The following PLCG2 variants were observed in gnomAD, a reference collection of about 807,000 sequenced individuals.
The protein encoded by PLCG2 is 1-phosphatidylinositol 4,5-bisphosphate phosphodiesterase gamma-2.
In PLCG2, 69 loss-of-function variants were observed where a neutral mutation model predicts 175.6. That is an observed-to-expected ratio of 0.39 (90% CI 0.32 to 0.48). The LOEUF is 0.48. Among genes scored for constraint, PLCG2 ranks in the 20% least tolerant of loss-of-function variants. The probability of loss-of-function intolerance (pLI) is 0.91; values close to 1 mark genes in which losing one functional copy is unlikely to be tolerated. For synonymous variants in PLCG2, 827 were observed against 624.0 expected (o/e 1.33, Z -4.85); for missense variants, 1,798 against 1,650.9 (o/e 1.09, Z -1.54).
At chr16:81,845,124 G>C (rs1408708633) in intron 2 of PLCG2, among the ~76,000 whole-genome samples, 2 of 151,932 alleles carry the variant, frequency 1.3e-5, no homozygotes, top group African/African-American at 2.4e-5. Flanking sequence ...TTTTTTTTTA[G>C]AGATGGGGTA....
intron 11 of PLCG2, among the ~76,000 whole-genome samples, 158 bp from the exon 12 acceptor site, chr16:81,893,551 C>T (rs1908738154): frequency 6.6e-6 from 1 of 152,248 alleles, no homozygotes; most frequent in Non-Finnish European, 1.5e-5. Flanking sequence ...TTGTGTATTT[C>T]TGTCCTAGGC....
chr16:81,955,154 T>C (rs1011354795), intron 31 of PLCG2, among the ~76,000 whole-genome samples: 3 of 152,228 alleles, frequency 2.0e-5, no homozygotes, highest in Admixed American at 6.5e-5. Flanking sequence ...CTTCAACCTT[T>C]GCAAACAGCT....
chr16:81,770,430 T>G (rs114098286), intron 2 of PLCG2, among the ~76,000 whole-genome samples: 2,670 of 152,326 alleles, frequency 0.018, 81 homozygotes, highest in African/African-American at 0.062. Flanking sequence ...ATTAATTTTT[T>G]GGCCTGGTGT....
chr16:81,824,041 T>TCCC (rs1904932054), intron 2 of PLCG2, among the ~76,000 whole-genome samples: 2 of 75,942 alleles, frequency 2.6e-5, no homozygotes, highest in African/African-American at 1.2e-4. Context: ...TTCCTTTCCT[T>TCCC]TCCTTTCCTG....
intron 2 of PLCG2, among the ~76,000 whole-genome samples, chr16:81,759,460 T>G (rs1597305040): frequency 1.3e-5 from 2 of 152,350 alleles, no homozygotes; most frequent in East Asian, 3.9e-4. Flanking sequence ...GCTGCAGAAT[T>G]CTAAAGGTCT....
At chr16:81,862,163 G>A (rs1164206897) in intron 5 of PLCG2, among the ~76,000 whole-genome samples, 4 of 152,246 alleles carry the variant, frequency 2.6e-5, no homozygotes, top group Admixed American at 6.5e-5. Flanking sequence ...GACGAATCGT[G>A]TTTCCTGAAG....
intron 1 of PLCG2, among the ~76,000 whole-genome samples, chr16:81,752,477 G>C (rs1909832691): frequency 6.6e-6 from 1 of 152,152 alleles, no homozygotes; most frequent in Non-Finnish European, 1.5e-5. Context: ...AGCACTAATA[G>C]CAGCTGGGGG....
At chr16:81,754,515 C>G (rs1175496093) in intron 1 of PLCG2, among the ~76,000 whole-genome samples, 1 of 129,868 alleles carries the variant, frequency 7.7e-6, no homozygotes, top group African/African-American at 3.0e-5. Context: ...TTTCCATTTC[C>G]TTTTGCCTAT....
At chr16:81,878,490 A>T (rs1907924493) in intron 7 of PLCG2, among the ~76,000 whole-genome samples, 1 of 152,158 alleles carries the variant, frequency 6.6e-6, no homozygotes, top group African/African-American at 2.4e-5. Context: ...TATCTTTAGA[A>T]CGTCTTCCTT....
intron 1 of PLCG2, among the ~76,000 whole-genome samples, chr16:81,755,657 C>G (rs1909906523): frequency 6.6e-6 from 1 of 152,088 alleles, no homozygotes; most frequent in Non-Finnish European, 1.5e-5. Flanking sequence ...TCCCGAGTAG[C>G]TGGGATTACA....
intron 16 of PLCG2, 104 bp from the exon 17 acceptor site, chr16:81,908,312 A>G (rs780201021): frequency 2.4e-5 from 25 of 1,063,536 alleles, no homozygotes; most frequent in Non-Finnish European, 3.3e-5. Context: ...TGGCCTCTCT[A>G]TGTTATCTGG....
intron 8 of PLCG2, among the ~76,000 whole-genome samples, chr16:81,881,161 TG>T (rs547861996): frequency 1.5e-3 from 232 of 152,152 alleles, no homozygotes; most frequent in Non-Finnish European, 2.6e-3. Context: ...ACTGGGAGGA[TG>T]GTCCAGAAAG....
chr16:81,936,406 C>G (rs1181166359), intron 27 of PLCG2, 28 bp downstream of exon 27: 3 of 1,594,336 alleles, frequency 1.9e-6, no homozygotes, highest in Non-Finnish European at 2.6e-6. Flanking sequence ...GTAGTCCCGT[C>G]CCTGCAAGGT....
chr16:81,943,696 G>C (rs1911043399), intron 30 of PLCG2, among the ~76,000 whole-genome samples: 1 of 152,164 alleles, frequency 6.6e-6, no homozygotes, highest in Non-Finnish European at 1.5e-5. Flanking sequence ...ATTAATGTTG[G>C]CATATCACTG....
At chr16:81,857,435 T>C (rs12446549) in intron 3 of PLCG2, among the ~76,000 whole-genome samples, 46,747 of 152,054 alleles carry the variant, frequency 0.31, 7,810 homozygotes, top group South Asian at 0.38. Context: ...GCTACTGTAA[T>C]GAAATGCTGT....
chr16:81,850,526 G>C (rs541299682), intron 2 of PLCG2, among the ~76,000 whole-genome samples: 30 of 152,320 alleles, frequency 2.0e-4, no homozygotes, highest in African/African-American at 7.0e-4. Context: ...CAGTGTGATA[G>C]AAATTGACAA....
rs534775246 is a variant in PLCG2, at chr16:81,958,656, C to T, written c.*658C>T. On this transcript the variant is annotated 3_prime_UTR_variant, in exon 33 of 33. Coordinates refer to ENST00000564138, the MANE Select transcript of PLCG2 (RefSeq NM_002661.5). ...AGTTACTGGGATGGAGGGTAGGAAT[C>T]TTGGGGCCTCTTTGTTTTAAAAAGC... 47 of 223,686 alleles carry T rather than the reference C, an allele frequency of 2.1e-4. No homozygotes were observed. Among genetic ancestry groups the T allele is most frequent in the Non-Finnish European group, 3.1e-4 (35 of 112,042 alleles). 13.9% of individuals were successfully genotyped at this position (223,686 alleles called of 1,614,324 possible).
At chr16:81,769,176 C>A (rs1002774889) in intron 2 of PLCG2, among the ~76,000 whole-genome samples, 2 of 152,172 alleles carry the variant, frequency 1.3e-5, no homozygotes, top group African/African-American at 4.8e-5. Flanking sequence ...AGGAACTCAC[C>A]ATGAGTGATG....
chr16:81,908,375 G>C, intron 16 of PLCG2, 41 bp from the exon 17 acceptor site: 1 of 1,582,552 alleles, frequency 6.3e-7, no homozygotes, highest in Non-Finnish European at 8.6e-7. Flanking sequence ...CTGGGGTTTG[G>C]TCCAAGGCTT....
Sources: gnomAD v4.1 joint callset for allele counts (sites outside exome capture counted in the v4.1 genomes callset) on GRCh38, gnomAD v4.1.1 for gene constraint, MANE v1.5 for transcripts, NCBI Gene and HGNC (gene_info 2026-07-23, HGNC 2026-07-21) for gene names.